Variants in GRIPAP1 observed in about 807,000 individuals in gnomAD.
The protein encoded by GRIPAP1 is GRIP1 associated protein 1, also known as GRIP1-associated protein 1.
Under a neutral mutation model 84.1 loss-of-function variants are expected in GRIPAP1, and 14 were observed. The observed-to-expected ratio is 0.17, with a 90% confidence interval of 0.11 to 0.26. GRIPAP1 has a LOEUF of 0.26. Among genes scored for constraint, GRIPAP1 ranks in the 10% least tolerant of loss-of-function variants. The pLI, the probability that GRIPAP1 is intolerant of heterozygous loss-of-function variation, is 1.00. For synonymous variants in GRIPAP1, 261 were observed against 256.8 expected (o/e 1.02, Z -0.15); for missense variants, 518 against 674.2 (o/e 0.77, Z 2.57).
intron 22 of GRIPAP1, chrX:48,978,018 C>G (rs1227311632): frequency 4.3e-6 from 1 of 233,915 alleles, no homozygotes; most frequent in Non-Finnish European, 7.7e-6. Context: ...AAAAAGGGAC[C>G]TTCTCCTTGG....
intron 13 of GRIPAP1, among the ~76,000 whole-genome samples, chrX:48,986,807 A>G (rs996171346): frequency 6.3e-5 from 7 of 111,974 alleles, no homozygotes; most frequent in African/African-American, 2.3e-4. Flanking sequence ...CTGGGATTAC[A>G]GGTGTGAGCC....
chrX:48,993,112 G>C (rs1196413639), intron 6 of GRIPAP1, among the ~76,000 whole-genome samples: 2 of 112,615 alleles, frequency 1.8e-5, no homozygotes, highest in Non-Finnish European at 3.8e-5. Context: ...GAGCCACCGC[G>C]CCCGGCCGCA....
Position 48,985,540 on chromosome X carries a change from A to C in GRIPAP1, c.1042-138T>G, listed in dbSNP as rs969174111. The C allele has an allele frequency of 8.1e-5, 39 of 479,596 alleles. No homozygotes were observed. In the African/African-American group the frequency reaches 9.4e-4, roughly 12 times the overall value. The allele number at this position is 479,596 out of a possible 1,213,427, so 39.5% of individuals were successfully genotyped here. A position where few individuals can be genotyped will look rare whatever the true frequency, so the allele number is the denominator to read the frequency against. The stretch of plus-strand genomic sequence containing the variant: ...GGAAGAGAGAGGAAATTTCAAACAG[A>C]AAAACAATGAAGAGAATGGGTAAAT... On this transcript the variant is annotated intron_variant, in intron 13 of 25. Coordinates refer to ENST00000376423, the MANE Select transcript of GRIPAP1 (RefSeq NM_020137.5).
At chrX:48,976,472 T>C in intron 22 of GRIPAP1, 109 bp from the exon 23 acceptor site, 1 of 946,918 alleles carries the variant, frequency 1.1e-6, no homozygotes, top group East Asian at 3.4e-5. Flanking sequence ...TGAGAGAACA[T>C]GGGCCCTGAA....
In GRIPAP1 at chrX:48,998,170, T is replaced by C; in HGVS notation, c.182A>G (p.Lys61Arg). The C allele has an allele frequency of 8.4e-7, 1 of 1,196,490 alleles. No homozygotes were observed. Among genetic ancestry groups the C allele is most frequent in the Non-Finnish European group, 1.1e-6 (1 of 882,842 alleles). The change falls in exon 4 of 26, where the codon AAG becomes AGG. Residue 61 changes from lysine (K) to arginine (R), a missense_variant. Around this residue, in one of 5 missense-constraint regions of GRIPAP1, gnomAD observed 372 missense variants for 458.1 expected, o/e 0.81. Coordinates refer to ENST00000376423, the MANE Select transcript of GRIPAP1 (RefSeq NM_020137.5). ...TCCCCTTACCTGAGCTTTCTTGCTC[T>C]TGCTCAGTGCCTAAAGTGGGGGTGG... ...EFSKAQKALS[K>R]SKKAQEVEVL...
In GRIPAP1 at chrX:48,981,200, G is replaced by C; in HGVS notation, c.1930+15C>G. On this transcript the variant is annotated intron_variant, in intron 21 of 25. Coordinates refer to ENST00000376423, the MANE Select transcript of GRIPAP1 (RefSeq NM_020137.5). ...CCCCATGCCTCAGCCTCCTCTCCCT[G>C]TCCTAGTCCCTCACCTGAGCGGCTC... 8.4e-7 allele frequency: 1 copy of C among 1,186,635 alleles called. No individual in the cohort carries two copies. The highest frequency in any genetic ancestry group is 1.1e-6 in the Non-Finnish European group (1 of 875,471).
intron 24 of GRIPAP1, chrX:48,975,804 A>G (rs1348387008): frequency 2.4e-6 from 1 of 425,288 alleles, no homozygotes; most frequent in Non-Finnish European, 4.1e-6. Flanking sequence ...GACACAATGG[A>G]GAATGGAGAG....
Position 48,988,143 on chromosome X carries a change from G to A in GRIPAP1, c.926C>T (p.Ala309Val). The change falls in exon 12 of 26, where the codon GCT (alanine) becomes GTT (valine). Residue 309 changes from alanine to valine, a missense_variant. Physicochemically the swap from Ala to Val is moderately conservative, Grantham distance 64. This residue lies in a region of GRIPAP1 where 372 missense variants were observed against 458.1 expected (regional missense o/e 0.81). Coordinates refer to ENST00000376423, the MANE Select transcript of GRIPAP1 (RefSeq NM_020137.5). ...TACCTGATCTTGTAGGGCCCGCAAA[G>A]CTGCTGCATGTTCCAGGCGCTCCCC... ...RQGERLEHAA[A>V]LRALQDQVSI... The A allele has an allele frequency of 8.3e-7, 1 of 1,200,647 alleles. No individual in the cohort carries two copies. Among genetic ancestry groups the A allele is most frequent in the Non-Finnish European group, 1.1e-6 (1 of 889,743 alleles).
chrX:48,993,655 A>G, intron 5 of GRIPAP1, 77 bp from the exon 6 acceptor site: 5 of 785,546 alleles, frequency 6.4e-6, no homozygotes, highest in Non-Finnish European at 8.5e-6. Flanking sequence ...GCATTTGTCC[A>G]TGTACTTTAC....
rs1279229794 is a variant in GRIPAP1 at position 48,988,218 on chromosome X, C to T, written c.871-20G>A. 3 of 1,100,379 alleles carry T rather than the reference C, an allele frequency of 2.7e-6. No homozygotes were observed. Among genetic ancestry groups the T allele is most frequent in the Non-Finnish European group, 3.7e-6 (3 of 809,242 alleles). The allele number at this position is 1,100,379 out of a possible 1,213,427, so 90.7% of individuals were successfully genotyped here. On this transcript the variant is annotated intron_variant, in intron 11 of 25. Transcript: ENST00000376423. The stretch of plus-strand genomic sequence containing the variant: ...CAAGCTCTGTGGAGACCAGGGGAGC[C>T]CATTTTACACCTCAGCCTCTCCTGG...
chrX:48,997,411 G>A (rs2064553311), intron 4 of GRIPAP1, 54 bp from the exon 5 acceptor site: 1 of 664,177 alleles, frequency 1.5e-6, no homozygotes, highest in Non-Finnish European at 2.4e-6. Flanking sequence ...GGATAGGGAG[G>A]TAGGGCAAAG....
intron 21 of GRIPAP1, among the ~76,000 whole-genome samples, chrX:48,978,668 C>CTGA (rs2064436442): frequency 9.1e-6 from 1 of 110,459 alleles, no homozygotes; most frequent in Non-Finnish European, 1.9e-5. Context: ...CTGAGGTGGG[C>CTGA]TGATCACTTG....
intron 21 of GRIPAP1, among the ~76,000 whole-genome samples, chrX:48,979,589 G>A (rs782556504): frequency 9.4e-5 from 10 of 105,849 alleles, no homozygotes; most frequent in African/African-American, 3.4e-4. Context: ...TATGGTATAC[G>A]ATTGTAACGT....
chrX:48,991,022 G>A lies in GRIPAP1; in HGVS notation c.546C>T (p.Thr182=). The stretch of plus-strand genomic sequence containing the variant: ...CTGCCAACGGCATGGGGGCCAGGAC[G>A]GTGGGGGCCAGGCCCCCTGGGGGAT... The part of the protein sequence containing the change: ...QGDPPGGLAP[T]VLAPMPLAEV... The change falls in exon 7 of 26, where the codon ACC becomes ACT. Residue 182 remains threonine, a synonymous_variant. Coordinates refer to ENST00000376423, the MANE Select transcript of GRIPAP1 (RefSeq NM_020137.5). 2.5e-6 allele frequency: 3 copies of A among 1,184,614 alleles called. No individual in the cohort carries two copies. Among genetic ancestry groups the A allele is most frequent in the Non-Finnish European group, 3.4e-6 (3 of 872,483 alleles).
intron 8 of GRIPAP1, 56 bp from the exon 9 acceptor site, chrX:48,990,059 TA>T: frequency 1.1e-6 from 1 of 934,687 alleles, no homozygotes. Flanking sequence ...AAGACAAACC[TA>T]AAATTAATAA....
intron 13 of GRIPAP1, among the ~76,000 whole-genome samples, chrX:48,986,058 T>C (rs782790940): frequency 3.7e-5 from 4 of 108,344 alleles, no homozygotes; most frequent in Non-Finnish European, 7.7e-5. Flanking sequence ...CTGGCCAAGA[T>C]GGTGAAACCC....
intron 6 of GRIPAP1, 112 bp downstream of exon 6, chrX:48,993,316 C>A: frequency 1.4e-6 from 1 of 696,080 alleles, no homozygotes; most frequent in Non-Finnish European, 2.0e-6. Flanking sequence ...CCACACAGGG[C>A]ATGGGCCAAC....
intron 6 of GRIPAP1, among the ~76,000 whole-genome samples, 180 bp downstream of exon 6, chrX:48,993,248 C>T (rs1391629808): frequency 1.8e-5 from 2 of 113,167 alleles, no homozygotes; most frequent in African/African-American, 6.4e-5. Context: ...GACATCACTA[C>T]ATGCACTGTG....
rs367579871 is a variant in GRIPAP1 at position 48,997,203 on chromosome X, T to C, written c.306+47A>G. ...TGCCGCTGTTAGGTTTCAGCCCAGATGACCCCTACCCCTCATTTCCCCTTT... is the reference window on the plus strand; with the variant it reads ...TGCCGCTGTTAGGTTTCAGCCCAGACGACCCCTACCCCTCATTTCCCCTTT... On this transcript the variant is annotated intron_variant, in intron 5 of 25. Coordinates refer to ENST00000376423, the MANE Select transcript of GRIPAP1 (RefSeq NM_020137.5). 16 of 701,769 alleles carry C rather than the reference T, an allele frequency of 2.3e-5. No individual in the cohort carries two copies. The African/African-American group carries it at 3.4e-4, about 15-fold the overall frequency. 57.8% of individuals were successfully genotyped at this position (701,769 alleles called of 1,213,427 possible). A position where few individuals can be genotyped will look rare whatever the true frequency, so the allele number is the denominator to read the frequency against.
Sources: gnomAD v4.1 joint callset for allele counts (sites outside exome capture counted in the v4.1 genomes callset) on GRCh38, gnomAD v4.1.1 for gene constraint, gnomAD v4.1.1 regional missense constraint, MANE v1.5 for transcripts, NCBI Gene and HGNC (gene_info 2026-07-23, HGNC 2026-07-21) for gene names.